The following ANO9 variants were observed in gnomAD, a reference collection of about 807,000 sequenced individuals.
ANO9 encodes anoctamin-9.
Under a neutral mutation model 100.5 loss-of-function variants are expected in ANO9, and 80 were observed. The observed-to-expected ratio is 0.80, with a 90% CI of 0.66 to 0.96. ANO9 has a LOEUF of 0.96. Ranked by LOEUF, ANO9 falls within the 40% of genes least tolerant of loss-of-function variation. ANO9 has a pLI of 0.00. For synonymous variants in ANO9, 473 were observed against 435.6 expected (o/e 1.09, Z -1.07); for missense variants, 1,064 against 1,072.7 (o/e 0.99, Z 0.11).
Position 433,504 on chromosome 11 carries a change from G to C in ANO9, c.205-45C>G, listed in dbSNP as rs112983128. On this transcript the variant is annotated intron_variant, in intron 3 of 22. Transcript: ENST00000332826. Reference sequence around the variant, plus strand: ...TCTATCCCACCTCAGAACCCTCCCCGCTCTATCCCGCCTCAGAACCCTCCC... The same window carrying C: ...TCTATCCCACCTCAGAACCCTCCCCCCTCTATCCCGCCTCAGAACCCTCCC... 1.5e-3 allele frequency: 2,392 copies of C among 1,568,906 alleles called. 5 individuals are homozygous for C. The highest frequency in any genetic ancestry group is 1.8e-3 in the Non-Finnish European group (2,057 of 1,153,190).
intron 19 of ANO9, chr11:420,235 T>G (rs1411390790): frequency 9.9e-6 from 14 of 1,419,898 alleles, no homozygotes; most frequent in East Asian, 2.6e-5. Flanking sequence ...CCCTCTGAGA[T>G]CCTGACGGTT....
chr11:433,703 G>A (rs961212253), intron 3 of ANO9, 112 bp downstream of exon 3: 24 of 1,453,766 alleles, frequency 1.7e-5, no homozygotes, highest in Middle Eastern at 2.4e-4. Flanking sequence ...CGCCATGACC[G>A]GCCCCACAGC....
intron 4 of ANO9, 31 bp downstream of exon 4, chr11:433,283 C>T: frequency 1.2e-6 from 2 of 1,604,292 alleles, no homozygotes; most frequent in South Asian, 1.1e-5. Context: ...AAGGGGTTCT[C>T]CTGGCCACGG....
In ANO9 at chr11:428,561, C is replaced by T. The variant is rs781594170; in HGVS notation, c.1099G>A (p.Val367Met). Residue 367 changes from valine (V) to methionine (M), a missense_variant, in exon 13 of 23, where the codon GTG becomes ATG. By Grantham distance (21) the Val-to-Met change is conservative. Coordinates refer to ENST00000332826, the MANE Select transcript of ANO9 (RefSeq NM_001012302.3). ...GTCACCTGCTCCTCCAGGAAGGGCACGGCCGAGCTGCTGAAGAGCGCGGAG... is the reference window on the plus strand; with the variant it reads ...GTCACCTGCTCCTCCAGGAAGGGCATGGCCGAGCTGCTGAAGAGCGCGGAG... ...LASALFSSSA[V>M]PFLEEQVTTA... The T allele has an allele frequency of 2.5e-5, 40 of 1,612,564 alleles. No homozygotes were observed. Among genetic ancestry groups the T allele is most frequent in the Non-Finnish European group, 3.2e-5 (38 of 1,179,936 alleles).
Position 429,770 on chromosome 11 carries a change from T to C in ANO9, c.820A>G (p.Met274Val), listed in dbSNP as rs374602093. The C allele has an allele frequency of 8.9e-5, 143 of 1,610,516 alleles. No individual in the cohort carries two copies. The highest frequency in any genetic ancestry group is 3.3e-4 in the Middle Eastern group (2 of 6,070). ...NDGTVVFAIF[M>V]ALWATVFLEI... Reference sequence around the variant, plus strand: ...CGCAGCAACTCACCCCAGAGAGCCATGAAGATGGCGAACACCACCGTGCCA... The same window carrying C: ...CGCAGCAACTCACCCCAGAGAGCCACGAAGATGGCGAACACCACCGTGCCA... The change falls in exon 10 of 23, where the codon ATG becomes GTG. Residue 274 changes from methionine (M) to valine (V), a missense_variant. Physicochemically the swap from Met to Val is conservative, Grantham distance 21. Transcript: ENST00000332826.
Position 428,361 on chromosome 11 carries a change from A to G in ANO9, c.1219T>C (p.Phe407Leu). ...GGGTCTGGGGTAGTCCTCTCACCGA[A>G]GTCACAAAGCTTCAGGGCCACGCAC... ...NRCVALKLCD[F>L]EMPRTFSERE... The change falls in exon 14 of 23, where the codon TTC becomes CTC. Residue 407 changes from phenylalanine (F) to leucine (L), a missense_variant. By Grantham distance (22) the Phe-to-Leu change is conservative. Transcript: ENST00000332826. 6.2e-7 allele frequency: 1 copy of G among 1,612,514 alleles called. No homozygotes were observed. Among genetic ancestry groups the G allele is most frequent in the Non-Finnish European group, 8.5e-7 (1 of 1,179,916 alleles).
Position 429,821 on chromosome 11 carries a change from G to A in ANO9, c.772-3C>T, listed in dbSNP as rs1848776101. 1.3e-6 allele frequency: 2 copies of A among 1,597,064 alleles called. No individual in the cohort carries two copies. Among genetic ancestry groups the A allele is most frequent in the Non-Finnish European group, 1.7e-6 (2 of 1,169,936 alleles). ...TCATTGTCAAAGAGGTGGGTGAGCTGGGGGGGTGATAGGTGGGCCGGAGAG... is the reference window on the plus strand; with the variant it reads ...TCATTGTCAAAGAGGTGGGTGAGCTAGGGGGGTGATAGGTGGGCCGGAGAG... On this transcript the variant is annotated splice_polypyrimidine_tract_variant and splice_region_variant and intron_variant, in intron 9 of 22. Transcript: ENST00000332826.
In ANO9 at chr11:420,736, C is replaced by G. The variant is rs775066944; in HGVS notation, c.1615G>C (p.Asp539His). ...LNPVNTFSLFDEFMEMMIQYG... is the reference protein window; with the variant it reads ...LNPVNTFSLFHEFMEMMIQYG... Reference sequence around the variant, plus strand: ...CACGCACTCATCTCCATGAACTCGTCGAACAGGCTGAAGGTGTTGACCGGG... The same window carrying G: ...CACGCACTCATCTCCATGAACTCGTGGAACAGGCTGAAGGTGTTGACCGGG... The change falls in exon 18 of 23, where the codon GAC becomes CAC. Residue 539 changes from aspartate (D) to histidine (H), a missense_variant. Physicochemically the swap from Asp to His is moderately conservative, Grantham distance 81 (BLOSUM62 -1). Coordinates refer to ENST00000332826, the MANE Select transcript of ANO9 (RefSeq NM_001012302.3). The G allele has an allele frequency of 1.2e-5, 20 of 1,608,610 alleles. No homozygotes were observed. The highest frequency in any genetic ancestry group is 1.7e-5 in the Non-Finnish European group (20 of 1,178,704).
rs1564921064 is a variant in ANO9 at position 430,332 on chromosome 11, GC to G, written c.610del (p.Ala204ProfsTer3). The G allele has an allele frequency of 6.2e-7, 1 of 1,610,148 alleles. No individual in the cohort carries two copies. Among genetic ancestry groups the G allele is most frequent in the East Asian group, 2.2e-5 (1 of 44,742 alleles). On this transcript the variant is annotated frameshift_variant, in exon 8 of 23. Coordinates refer to ENST00000332826, the MANE Select transcript of ANO9 (RefSeq NM_001012302.3). LOFTEE classifies it high-confidence loss of function. The part of the protein sequence containing the change: ...LGWYTYMLVP[A>X]ALTGLLVFLS... ...AAAGACTAAGAGGCCCGTCAGGGCG[GC>G]CGGCACCAGCATGTAGGTGTACCAG...
At chr11:433,521 A>AACCCTCCCCCGTCTATTCCACCTCAGC (rs1849197242) in intron 3 of ANO9, 62 bp from the exon 4 acceptor site, 1 of 1,549,938 alleles carries the variant, frequency 6.5e-7, no homozygotes, top group Non-Finnish European at 8.8e-7. Flanking sequence ...CCCGCCTCAG[A>AACCCTCCCCCGTCTATTCCACCTCAGC]ACCCTCCCCC....
intron 15 of ANO9, among the ~76,000 whole-genome samples, chr11:425,972 T>G (rs1848499068): frequency 6.6e-6 from 1 of 152,064 alleles, no homozygotes. Flanking sequence ...GACCTCATGA[T>G]CCTCGTGCCT....
At chr11:424,718 C>A (rs1185995418) in intron 15 of ANO9, among the ~76,000 whole-genome samples, 2 of 152,000 alleles carry the variant, frequency 1.3e-5, no homozygotes, top group African/African-American at 4.8e-5. Flanking sequence ...AATTAGGGAA[C>A]AGATGAGAAC....
rs373586501 is a variant in ANO9 at position 431,684 on chromosome 11, G to A, written c.539+10C>T. ...CGCGGGGTTCCTGTGCTCTCTTTGG[G>A]CAGCGTTACCTGATTTCATCAACTG... On this transcript the variant is annotated intron_variant, in intron 7 of 22. Transcript: ENST00000332826. 14 of 1,611,800 alleles carry A rather than the reference G, an allele frequency of 8.7e-6. No individual in the cohort carries two copies. The African/African-American group carries it at 9.4e-5, about 11-fold the overall frequency.
At chr11:428,236 A>G in intron 14 of ANO9, 37 bp from the exon 15 acceptor site, 1 of 1,607,150 alleles carries the variant, frequency 6.2e-7, no homozygotes, top group Non-Finnish European at 8.5e-7. Context: ...CTCCCTGCTC[A>G]TAGGAGAGGC....
chr11:439,946 G>T (rs150456047), intron 1 of ANO9, among the ~76,000 whole-genome samples: 1 of 152,354 alleles, frequency 6.6e-6, no homozygotes, highest in African/African-American at 2.4e-5. Context: ...AGTGCGTGGC[G>T]TTCGTGGACG....
rs138664760 is a variant in ANO9 at position 421,016 on chromosome 11, G to C, written c.1419C>G (p.Asp473Glu). ...TGATGATGGCCATCTGCACGAAGAG[G>C]TCCATCATGCAGCCGCTGGCGTGGC... ...EECHASGCMMDLFVQMAIIMG... is the reference protein window; with the variant it reads ...EECHASGCMMELFVQMAIIMG... Residue 473 changes from aspartate to glutamate, a missense_variant, in exon 17 of 23, where the codon GAC (aspartate) becomes GAG (glutamate). By Grantham distance (45) the Asp-to-Glu change is conservative (BLOSUM62 2). Coordinates refer to ENST00000332826, the MANE Select transcript of ANO9 (RefSeq NM_001012302.3). The surrounding 1 kb of genome is among the most constrained non-coding windows in gnomAD (Gnocchi z 6.8). The C allele has an allele frequency of 6.2e-7, 1 of 1,604,858 alleles. No homozygotes were observed. The highest frequency in any genetic ancestry group is 1.3e-5 in the African/African-American group (1 of 74,754).
chr11:430,065 G>T lies in ANO9; in HGVS notation c.771+18C>A, dbSNP rs1197575477. ...CCCATCTTCCGCAGGCCCTGGGGTG[G>T]ACCCGGAGGCGACAAACCTTGGCAA... On this transcript the variant is annotated intron_variant, in intron 9 of 22. Transcript: ENST00000332826. 1.9e-6 allele frequency: 3 copies of T among 1,548,472 alleles called. No individual in the cohort carries two copies. Among genetic ancestry groups the T allele is most frequent in the South Asian group, 2.4e-5 (2 of 83,852 alleles).
Position 433,878 on chromosome 11 carries a change from G to C in ANO9, c.141C>G (p.Asp47Glu), listed in dbSNP as rs761932258. Residue 47 changes from aspartate to glutamate, a missense_variant, in exon 3 of 23, where the codon GAC becomes GAG. Physicochemically the swap from Asp to Glu is conservative, Grantham distance 45 (BLOSUM62 2). Transcript: ENST00000332826. ...VLVAQRHTQRDPRQARQQQFL... is the reference protein window; with the variant it reads ...VLVAQRHTQREPRQARQQQFL... ...ACTGTTGCTGCCGCGCCTGCCGGGG[G>C]TCTCTCTGGGTGTGACGTTGGGCCA... 2.6e-6 allele frequency: 4 copies of C among 1,563,598 alleles called. No homozygotes were observed. The highest frequency in any genetic ancestry group is 3.5e-6 in the Non-Finnish European group (4 of 1,154,044).
rs1848155417 is a variant in ANO9 at position 421,098 on chromosome 11, G to A, written c.1392+43C>T. ...GGGGTCCTGGGGGACGGTCAGGGGA[G>A]CAGTGGCTCAGGGACAGGGCATGAA... On this transcript the variant is annotated intron_variant, in intron 16 of 22. Coordinates refer to ENST00000332826, the MANE Select transcript of ANO9 (RefSeq NM_001012302.3). The surrounding 1 kb of genome is among the most constrained non-coding windows in gnomAD (Gnocchi z 6.8). The A allele has an allele frequency of 1.3e-6, 2 of 1,580,072 alleles. No individual in the cohort carries two copies. Among genetic ancestry groups the A allele is most frequent in the Middle Eastern group, 1.7e-4 (1 of 5,922 alleles).
Sources: gnomAD v4.1 joint callset for allele counts (sites outside exome capture counted in the v4.1 genomes callset) on GRCh38, gnomAD v4.1.1 for gene constraint, Gnocchi (gnomAD v3.1) non-coding constraint, MANE v1.5 for transcripts, NCBI Gene and HGNC (gene_info 2026-07-23, HGNC 2026-07-21) for gene names.